SLC7A1: variants seen among roughly 807,000 people sequenced by gnomAD.
SLC7A1 encodes high affinity cationic amino acid transporter 1.
SLC7A1 carries 10 observed loss-of-function variants against 53.9 expected under a neutral mutation model. The observed-to-expected ratio is 0.19, with a 90% CI of 0.11 to 0.31. The LOEUF (loss-of-function observed/expected upper bound fraction) is 0.31. SLC7A1 is among the 10% of genes least tolerant of loss of function. The pLI is 1.00. For synonymous variants in SLC7A1, 342 were observed against 338.7 expected, an observed-to-expected ratio of 1.01 and a Z score of -0.11; for missense variants, 525 against 827.2, an observed-to-expected ratio of 0.63 and a Z score of 4.48.
intron 5 of SLC7A1, among the ~76,000 whole-genome samples, chr13:29,527,789 C>T (rs3783261): frequency 0.12 from 18,727 of 152,258 alleles, 2,175 homozygotes; most frequent in East Asian, 0.61. Context: ...AGCAGGGCTC[C>T]GCCACCCTCA....
At chr13:29,517,456 A>C (rs1868404392) in intron 10 of SLC7A1, 117 bp downstream of exon 10, 11 of 1,209,738 alleles carry the variant, frequency 9.1e-6, no homozygotes, top group Middle Eastern at 3.9e-4. Flanking sequence ...ACTATGTCCC[A>C]GTCCAGGAGC....
chr13:29,563,801 G>C (rs1870860759), intron 1 of SLC7A1, among the ~76,000 whole-genome samples: 1 of 152,210 alleles, frequency 6.6e-6, no homozygotes, highest in South Asian at 2.1e-4. Context: ...AGGAAAGGTA[G>C]CTCAACTCTG....
At chr13:29,593,093 GC>G (rs1320283239) in intron 1 of SLC7A1, among the ~76,000 whole-genome samples, 2 of 152,130 alleles carry the variant, frequency 1.3e-5, no homozygotes, top group Non-Finnish European at 2.9e-5. Flanking sequence ...CCTGAGAGGG[GC>G]CCCAAGAAGA....
At chr13:29,587,789 C>G (rs1048213051) in intron 1 of SLC7A1, among the ~76,000 whole-genome samples, 2 of 152,238 alleles carry the variant, frequency 1.3e-5, no homozygotes, top group Non-Finnish European at 2.9e-5. Context: ...AAGGGGTGGG[C>G]AGGAGCATGA....
intron 2 of SLC7A1, among the ~76,000 whole-genome samples, chr13:29,542,448 C>G (rs1869708138): frequency 6.9e-6 from 1 of 145,446 alleles, no homozygotes; most frequent in African/African-American, 2.4e-5. Context: ...ACAGCGAAAT[C>G]TGTCTCAAAA....
chr13:29,517,548 G>T (rs1424414284), intron 10 of SLC7A1, 25 bp downstream of exon 10: 4 of 1,567,460 alleles, frequency 2.6e-6, no homozygotes, highest in Non-Finnish European at 3.5e-6. Context: ...AACAAGCAAG[G>T]CCCCAGGGAA....
intron 2 of SLC7A1, among the ~76,000 whole-genome samples, chr13:29,547,959 G>A (rs1566264599): frequency 1.3e-5 from 2 of 152,226 alleles, no homozygotes; most frequent in East Asian, 3.8e-4. Context: ...TGCTGTAAGT[G>A]ACAGCCACAT....
intron 1 of SLC7A1, among the ~76,000 whole-genome samples, chr13:29,584,584 T>G (rs1398769512): frequency 6.6e-6 from 1 of 151,276 alleles, no homozygotes; most frequent in African/African-American, 2.5e-5. Context: ...ATTTGCACAT[T>G]GTTTCAATAA....
intron 1 of SLC7A1, among the ~76,000 whole-genome samples, chr13:29,555,314 C>T (rs368207237): frequency 1.5e-3 from 173 of 113,078 alleles, no homozygotes; most frequent in African/African-American, 5.3e-3. Flanking sequence ...GCCGAGATCC[C>T]GCCACTGCAC....
At chr13:29,556,762 G>GTAT (rs1870457942) in intron 1 of SLC7A1, among the ~76,000 whole-genome samples, 2 of 152,174 alleles carry the variant, frequency 1.3e-5, no homozygotes, top group Non-Finnish European at 2.9e-5. Flanking sequence ...ACTCTTTAAG[G>GTAT]GTGTCAGAGG....
intron 10 of SLC7A1, 108 bp downstream of exon 10, chr13:29,517,465 G>A: frequency 8.2e-7 from 1 of 1,221,828 alleles, no homozygotes; most frequent in South Asian, 1.3e-5. Flanking sequence ...CAGTCCAGGA[G>A]CAAGACAGAT....
In SLC7A1 at chr13:29,524,112, G is replaced by A. The variant is rs544103378; in HGVS notation, c.826+20C>T. 15 of 1,611,594 alleles carry A rather than the reference G, an allele frequency of 9.3e-6. No individual in the cohort carries two copies. The highest frequency in any genetic ancestry group is 4.0e-5 in the African/African-American group (3 of 74,842). On this transcript the variant is annotated intron_variant, in intron 6 of 12. Transcript: ENST00000380752. ...CCAGGGTGCAGGAGGACCCGGGACC[G>A]CAGTGGCTGGCGGACATACCTGTGG...
chr13:29,573,861 G>A (rs920796897), intron 1 of SLC7A1, among the ~76,000 whole-genome samples: 6 of 152,148 alleles, frequency 3.9e-5, no homozygotes, highest in African/African-American at 1.4e-4. Flanking sequence ...CAGGCCTCAG[G>A]CCTGAACACC....
chr13:29,538,957 G>C (rs528431761), intron 2 of SLC7A1, among the ~76,000 whole-genome samples: 13 of 152,150 alleles, frequency 8.5e-5, no homozygotes, highest in Admixed American at 2.0e-4. Context: ...GTGCCTGCCT[G>C]CTCCCAACCT....
chr13:29,564,824 T>C (rs1870899217), intron 1 of SLC7A1, among the ~76,000 whole-genome samples: 1 of 152,254 alleles, frequency 6.6e-6, no homozygotes, highest in African/African-American at 2.4e-5. Flanking sequence ...AGAGATTACA[T>C]ATATAAATAT....
intron 1 of SLC7A1, among the ~76,000 whole-genome samples, chr13:29,593,421 T>C (rs1872186464): frequency 6.6e-6 from 1 of 152,206 alleles, no homozygotes; most frequent in Admixed American, 6.5e-5. Flanking sequence ...TCTCTGAAGA[T>C]GCCTCTGGAA....
At chr13:29,542,573 C>T (rs1170957341) in intron 2 of SLC7A1, among the ~76,000 whole-genome samples, 1 of 151,932 alleles carries the variant, frequency 6.6e-6, no homozygotes, top group Non-Finnish European at 1.5e-5. Flanking sequence ...GTCCCAGCTA[C>T]TCAGGAGGCT....
At chr13:29,542,065 A>G (rs1394907959) in intron 2 of SLC7A1, among the ~76,000 whole-genome samples, 1 of 152,184 alleles carries the variant, frequency 6.6e-6, no homozygotes, top group Non-Finnish European at 1.5e-5. Flanking sequence ...AAACACATAC[A>G]ATCTTTCCAA....
At position 29,531,953 on chromosome 13, in the gene SLC7A1, C is replaced by T. The variant is rs555759721; in HGVS notation, c.529+871G>A. ...ACAGGGAGAACACCTCAACAAACAACAATATATTGTTTCTTTAGTGTCCCT... is the reference window on the plus strand; with the variant it reads ...ACAGGGAGAACACCTCAACAAACAATAATATATTGTTTCTTTAGTGTCCCT... On this transcript the variant is annotated intron_variant, in intron 4 of 12. Coordinates refer to ENST00000380752, the MANE Select transcript of SLC7A1 (RefSeq NM_003045.5). Among the ~76,000 whole-genome samples, 10 of 152,270 alleles carry T rather than the reference C, an allele frequency of 6.6e-5. 1 individual carries two copies. The South Asian group carries it at 1.9e-3, about 28-fold the overall frequency.
Sources: gnomAD v4.1 joint callset for allele counts (sites outside exome capture counted in the v4.1 genomes callset) on GRCh38, gnomAD v4.1.1 for gene constraint, MANE v1.5 for transcripts, NCBI Gene and HGNC (gene_info 2026-07-23, HGNC 2026-07-21) for gene names.